The following PCDH11Y variants were observed in gnomAD, a reference collection of about 807,000 sequenced individuals.
PCDH11Y encodes protocadherin-11 Y-linked.
For missense variants in PCDH11Y, 12 were observed against 224.8 expected, an observed-to-expected ratio of 0.05 and a Z score of 6.05; for synonymous variants, 9 against 83.6, an observed-to-expected ratio of 0.11 and a Z score of 4.87.
chrY:5,695,851 G>A (rs2053572060), intron 4 of PCDH11Y, among the ~76,000 whole-genome samples: 1 of 30,716 alleles, frequency 3.3e-5, no homozygotes, highest in Non-Finnish European at 7.9e-5. Context: ...TGTCTTGAAA[G>A]TTGTTGTAGT....
chrY:5,107,921 T>C (rs1602868544), downstream of PCDH11Y, among the ~76,000 whole-genome samples: 6 of 31,132 alleles, frequency 1.9e-4, no homozygotes, highest in South Asian at 7.5e-4. Flanking sequence ...TAGCCGGGCG[T>C]GGTGGCGGGC....
rs1401863782 is a variant in PCDH11Y at position 5,126,933 on chromosome Y, G to A, written c.3129+26226G>A. 1.3e-4 allele frequency among the ~76,000 whole-genome samples: 4 copies of A among 31,323 alleles called. No homozygotes were observed. The East Asian group carries it at 2.5e-3, about 19-fold the overall frequency. 84.0% of individuals were successfully genotyped at this position (31,323 alleles called of 37,273 possible). A position where few individuals can be genotyped will look rare whatever the true frequency, so the allele number is the denominator to read the frequency against. ...TTGAACATAAATCCCTTTGTGCACC[G>A]ATCCAACAGCCAACAGTGTAATTCA... On this transcript the variant is annotated intron_variant, in intron 2 of 4. Coordinates refer to the PCDH11Y transcript ENST00000400457.
chrY:5,558,703 A>AT (rs869235917), intron 3 of PCDH11Y, among the ~76,000 whole-genome samples: 2 of 31,745 alleles, frequency 6.3e-5, no homozygotes, highest in South Asian at 7.1e-4. Flanking sequence ...CTAAAAGAAT[A>AT]TTTTTTCAGA....
chrY:5,711,776 C>A, intron 4 of PCDH11Y, among the ~76,000 whole-genome samples: 5 of 33,244 alleles, frequency 1.5e-4, no homozygotes, highest in African/African-American at 2.4e-4. Context: ...GGTGACAGAG[C>A]AAGACTCTGT....
rs2124692434 is a variant in PCDH11Y at position 5,537,865 on chromosome Y, C to A, written c.3328+36610C>A. Among the ~76,000 whole-genome samples the A allele has an allele frequency of 6.0e-4, 20 of 33,345 alleles. No individual in the cohort carries two copies. The South Asian group carries it at 0.013, about 22-fold the overall frequency. 89.5% of individuals were successfully genotyped at this position (33,345 alleles called of 37,273 possible). A position where few individuals can be genotyped will look rare whatever the true frequency, so the allele number is the denominator to read the frequency against. On this transcript the variant is annotated intron_variant, in intron 3 of 4. Coordinates refer to the PCDH11Y transcript ENST00000400457. Reference sequence around the variant, plus strand: ...CTAAACCTGCCTTCCTTTTGTTTACCTTTCAGAGTCCTCGGGTAGTTGCCT... The same window carrying A: ...CTAAACCTGCCTTCCTTTTGTTTACATTTCAGAGTCCTCGGGTAGTTGCCT...
intron 2 of PCDH11Y, among the ~76,000 whole-genome samples, chrY:5,187,426 C>T: frequency 3.1e-5 from 1 of 32,146 alleles, no homozygotes; most frequent in African/African-American, 1.2e-4. Flanking sequence ...TTACATATAT[C>T]TTTTAAAATC....
chrY:5,054,344 C>T, upstream of PCDH11Y, among the ~76,000 whole-genome samples: 2 of 20,202 alleles, frequency 9.9e-5, no homozygotes, highest in African/African-American at 2.0e-4. Context: ...AAACCTGTGT[C>T]ATGGGGGTTT....
chrY:5,363,591 G>A, intron 2 of PCDH11Y, among the ~76,000 whole-genome samples: 1 of 30,267 alleles, frequency 3.3e-5, no homozygotes, highest in Non-Finnish European at 7.8e-5. Flanking sequence ...GTTCAATCTA[G>A]GATGCAAATG....
intron 1 of PCDH11Y, among the ~76,000 whole-genome samples, chrY:5,060,465 A>G: frequency 3.4e-5 from 1 of 29,643 alleles, no homozygotes; most frequent in Non-Finnish European, 7.7e-5. Context: ...TAATATATAC[A>G]TATATTAATT....
chrY:5,441,764 A>G, intron 2 of PCDH11Y, among the ~76,000 whole-genome samples: 2 of 33,849 alleles, frequency 5.9e-5, no homozygotes, highest in East Asian at 7.9e-4. Flanking sequence ...TCAGAATTCA[A>G]TTATTGAAGA....
At chrY:5,627,392 T>C in intron 4 of PCDH11Y, among the ~76,000 whole-genome samples, 1 of 24,292 alleles carries the variant, frequency 4.1e-5, no homozygotes, top group Non-Finnish European at 8.0e-5. Context: ...AACTCTACTT[T>C]GTTTTTTTTT....
chrY:5,145,258 G>T, intron 2 of PCDH11Y, among the ~76,000 whole-genome samples: 1 of 31,943 alleles, frequency 3.1e-5, no homozygotes, highest in South Asian at 6.9e-4. Flanking sequence ...TATGAATAAA[G>T]CTGCTATAAA....
At chrY:5,258,653 T>C in intron 2 of PCDH11Y, among the ~76,000 whole-genome samples, 1 of 32,798 alleles carries the variant, frequency 3.0e-5, no homozygotes, top group Non-Finnish European at 7.5e-5. Context: ...TATCAAATGG[T>C]GTTTTTAGAA....
chrY:5,220,613 G>A (rs34176691), intron 2 of PCDH11Y, among the ~76,000 whole-genome samples: 4 of 25,460 alleles, frequency 1.6e-4, no homozygotes, highest in South Asian at 9.7e-4. Flanking sequence ...GGGTTTCACC[G>A]TGTTAGCCAG....
intron 4 of PCDH11Y, among the ~76,000 whole-genome samples, chrY:5,627,713 C>G: frequency 3.0e-5 from 1 of 33,027 alleles, no homozygotes; most frequent in Non-Finnish European, 7.4e-5. Context: ...AATACTAACA[C>G]ATTTCAGCCC....
chrY:5,131,976 CAT>C (rs2052834618), intron 2 of PCDH11Y, among the ~76,000 whole-genome samples: 2 of 33,029 alleles, frequency 6.1e-5, no homozygotes. Flanking sequence ...TCCATAACCT[CAT>C]AGTTACCTTT....
intron 2 of PCDH11Y, among the ~76,000 whole-genome samples, chrY:5,389,612 G>T: frequency 3.1e-5 from 1 of 32,040 alleles, no homozygotes; most frequent in East Asian, 8.3e-4. Context: ...CATGTCATGG[G>T]AGGAACACGG....
At chrY:5,515,824 G>T (rs2053371620) in intron 3 of PCDH11Y, among the ~76,000 whole-genome samples, 2 of 33,411 alleles carry the variant, frequency 6.0e-5, no homozygotes, top group Non-Finnish European at 1.5e-4. Flanking sequence ...AATGGGGAAA[G>T]AACTCCCTAG....
intron 2 of PCDH11Y, among the ~76,000 whole-genome samples, chrY:5,288,237 T>C (rs2053062496): frequency 2.9e-5 from 1 of 34,040 alleles, no homozygotes; most frequent in Non-Finnish European, 7.3e-5. Context: ...TGAGTTGCCA[T>C]AGTTCTCACA....
Sources: gnomAD v4.1 joint callset for allele counts (sites outside exome capture counted in the v4.1 genomes callset) on GRCh38, gnomAD v4.1.1 for gene constraint, MANE v1.5 for transcripts, NCBI Gene and HGNC (gene_info 2026-07-23, HGNC 2026-07-21) for gene names.